SYNE1: variants seen among roughly 807,000 people sequenced by gnomAD.
The protein encoded by SYNE1 is nesprin-1.
In SYNE1, 616 loss-of-function variants were observed where a neutral mutation model predicts 1,111.0. The ratio of observed to expected loss-of-function variants is 0.55; its 90% CI spans 0.52 to 0.59. SYNE1 has a LOEUF of 0.59. SYNE1 is among the 20% of genes least tolerant of loss of function. SYNE1 has a pLI of 0.00. For synonymous variants in SYNE1, 3,855 were observed against 3,825.8 expected (o/e 1.01, Z -0.28); for missense variants, 10,006 against 10,417.0 (o/e 0.96, Z 1.72).
chr6:152,273,801 G>A (rs927471918), intron 98 of SYNE1, among the ~76,000 whole-genome samples: 1 of 152,178 alleles, frequency 6.6e-6, no homozygotes, highest in African/African-American at 2.4e-5. Flanking sequence ...AGCTTGCCAA[G>A]GGCCAGGCTG....
chr6:152,606,695 T>C (rs1355597680), intron 3 of SYNE1, among the ~76,000 whole-genome samples: 1 of 152,186 alleles, frequency 6.6e-6, no homozygotes, highest in African/African-American at 2.4e-5. Context: ...TCGCCCAGGC[T>C]GGAATGCAGT....
At chr6:152,228,743 T>C (rs2082123474) in intron 115 of SYNE1, among the ~76,000 whole-genome samples, 1 of 152,222 alleles carries the variant, frequency 6.6e-6, no homozygotes, top group South Asian at 2.1e-4. Context: ...ACAAAAGTTA[T>C]GACATTTTGT....
chr6:152,363,298 T>A (rs1177297898), intron 63 of SYNE1, among the ~76,000 whole-genome samples: 1 of 146,810 alleles, frequency 6.8e-6, no homozygotes, highest in Non-Finnish European at 1.5e-5. Flanking sequence ...ATCAAGGCCA[T>A]CCTGGCTAAC....
chr6:152,607,747 A>G (rs56338450), intron 3 of SYNE1, among the ~76,000 whole-genome samples: 16,706 of 152,292 alleles, frequency 0.11, 1,119 homozygotes, highest in African/African-American at 0.19. Flanking sequence ...TATTTATTGC[A>G]GCACTATTTA....
chr6:152,135,473 T>C (rs1657139797), intron 141 of SYNE1, among the ~76,000 whole-genome samples: 1 of 152,178 alleles, frequency 6.6e-6, no homozygotes, highest in Non-Finnish European at 1.5e-5. Flanking sequence ...GGCATCAACA[T>C]ACGTTATTTC....
intron 127 of SYNE1, among the ~76,000 whole-genome samples, chr6:152,196,996 A>G (rs1183485701): frequency 6.6e-6 from 1 of 152,120 alleles, no homozygotes; most frequent in East Asian, 1.9e-4. Context: ...TCTTGTGTAA[A>G]TGCTCCCTCC....
Position 152,189,278 on chromosome 6 carries a change from T to A in SYNE1, c.23275A>T (p.Arg7759Trp). The change falls in exon 128 of 146, where the codon AGG becomes TGG. Residue 7759 changes from arginine (R) to tryptophan (W), a missense_variant. Transcript: ENST00000367255. Reference protein sequence around the residue: ...ILNERVELLQRQWEELCHQLS... With the variant: ...ILNERVELLQWQWEELCHQLS... ...TGGTGGCATAGTTCTTCCCACTGCCTTTGCAGAAGCTCTACGCGTTCATTA... is the reference window on the plus strand; with the variant it reads ...TGGTGGCATAGTTCTTCCCACTGCCATTGCAGAAGCTCTACGCGTTCATTA... 6.2e-7 allele frequency: 1 copy of A among 1,613,996 alleles called. No homozygotes were observed. The highest frequency in any genetic ancestry group is 8.5e-7 in the Non-Finnish European group (1 of 1,179,982).
chr6:152,505,570 A>G (rs942892450), intron 8 of SYNE1, among the ~76,000 whole-genome samples, 173 bp from the exon 9 acceptor site: 1 of 152,334 alleles, frequency 6.6e-6, no homozygotes. Context: ...GCAACAAGAT[A>G]AGATGTCGAA....
chr6:152,493,065 CATGTCTTCCTCTTGT>C (rs2098979811), intron 11 of SYNE1, among the ~76,000 whole-genome samples: 1 of 152,130 alleles, frequency 6.6e-6, no homozygotes, highest in Non-Finnish European at 1.5e-5. Context: ...AAACCTCCTT[CATGTCTTCCTCTTGT>C]ATCCCCTGCA....
intron 3 of SYNE1, among the ~76,000 whole-genome samples, chr6:152,609,024 C>A (rs1198670932): frequency 6.6e-6 from 1 of 152,042 alleles, no homozygotes; most frequent in African/African-American, 2.4e-5. Context: ...ATAGGAAGAG[C>A]TCCAGTCTGC....
chr6:152,295,526 C>T (rs1175063951), intron 93 of SYNE1, among the ~76,000 whole-genome samples: 2 of 152,078 alleles, frequency 1.3e-5, no homozygotes, highest in Admixed American at 6.6e-5. Flanking sequence ...ACTCTTGTTT[C>T]TCTTGCTCTT....
intron 58 of SYNE1, among the ~76,000 whole-genome samples, chr6:152,373,738 AAT>A (rs1425352922): frequency 3.3e-5 from 5 of 152,244 alleles, no homozygotes; most frequent in African/African-American, 1.2e-4. Context: ...AATCTCATAA[AAT>A]ATTAAAAATT....
chr6:152,379,801 T>C (rs1313417289), intron 56 of SYNE1, among the ~76,000 whole-genome samples: 1 of 152,178 alleles, frequency 6.6e-6, no homozygotes, highest in Admixed American at 6.5e-5. Context: ...GCCTCAACCA[T>C]TATTTTTACT....
intron 128 of SYNE1, among the ~76,000 whole-genome samples, chr6:152,184,631 TATAGATAG>T (rs59272369): frequency 0.073 from 10,498 of 142,956 alleles, 380 homozygotes; most frequent in Non-Finnish European, 0.091. Flanking sequence ...TATACACATA[TATAGATAG>T]ATAGATAGAT....
intron 98 of SYNE1, among the ~76,000 whole-genome samples, chr6:152,270,152 C>G (rs1043905893): frequency 6.6e-6 from 1 of 152,172 alleles, no homozygotes; most frequent in Non-Finnish European, 1.5e-5. Context: ...AATTCTCTAT[C>G]TTTGAGAGTC....
intron 124 of SYNE1, among the ~76,000 whole-genome samples, chr6:152,211,129 C>CA (rs921981313): frequency 1.3e-5 from 2 of 152,016 alleles, no homozygotes; most frequent in African/African-American, 4.8e-5. Flanking sequence ...GCTCCTTTTA[C>CA]AAAAAAATTT....
At chr6:152,377,560 G>C (rs1003132398) in intron 56 of SYNE1, among the ~76,000 whole-genome samples, 4 of 132,928 alleles carry the variant, frequency 3.0e-5, no homozygotes, top group African/African-American at 1.1e-4. Flanking sequence ...AGTGAGCCGA[G>C]ATCGTGCCAT....
At chr6:152,444,653 G>A in intron 29 of SYNE1, 75 bp from the exon 30 acceptor site, 2 of 1,375,280 alleles carry the variant, frequency 1.5e-6, no homozygotes, top group Non-Finnish European at 2.0e-6. Flanking sequence ...TTTTGGTAAG[G>A]TATGATTGAC....
chr6:152,571,321 G>T (rs1342258353), intron 3 of SYNE1, among the ~76,000 whole-genome samples: 2 of 152,116 alleles, frequency 1.3e-5, no homozygotes, highest in Non-Finnish European at 2.9e-5. Context: ...CTGAGAACTG[G>T]CACTTGTGTT....
Sources: gnomAD v4.1 joint callset for allele counts (sites outside exome capture counted in the v4.1 genomes callset) on GRCh38, gnomAD v4.1.1 for gene constraint, MANE v1.5 for transcripts, NCBI Gene and HGNC (gene_info 2026-07-23, HGNC 2026-07-21) for gene names.